TSPAN9: variants seen among roughly 807,000 people sequenced by gnomAD.
TSPAN9 encodes tetraspanin-9.
A neutral mutation model predicts 31.0 loss-of-function variants in TSPAN9; 16 were observed. The observed-to-expected ratio is 0.52, with a 90% CI of 0.35 to 0.78. The LOEUF (loss-of-function observed/expected upper bound fraction) is 0.78, where lower values mean the gene tolerates loss of function less well. Among genes scored for constraint, TSPAN9 ranks in the 30% least tolerant of loss-of-function variants. The pLI is 0.01. For synonymous variants in TSPAN9, 145 were observed against 121.6 expected (o/e 1.19, Z -1.27); for missense variants, 272 against 312.5 (o/e 0.87, Z 0.98).
At chr12:3,227,802 C>A (rs936049939) in intron 3 of TSPAN9, among the ~76,000 whole-genome samples, 2 of 152,116 alleles carry the variant, frequency 1.3e-5, no homozygotes, top group Admixed American at 6.5e-5. Flanking sequence ...AGGAGGAAGC[C>A]GGTTGGCAGG....
chr12:3,230,080 C>T (rs1421248973), intron 3 of TSPAN9, among the ~76,000 whole-genome samples: 4 of 152,154 alleles, frequency 2.6e-5, no homozygotes, highest in Non-Finnish European at 5.9e-5. Context: ...CATCATCTGT[C>T]TGGGACTTCT....
chr12:3,183,698 A>T (rs1264468443), intron 2 of TSPAN9, among the ~76,000 whole-genome samples: 2 of 152,136 alleles, frequency 1.3e-5, no homozygotes, highest in Non-Finnish European at 2.9e-5. Context: ...ATACCCAAGG[A>T]TTCTGGAGCA....
intron 2 of TSPAN9, among the ~76,000 whole-genome samples, chr12:3,198,758 AC>A (rs1418023686): frequency 1.5e-5 from 1 of 65,104 alleles, no homozygotes; most frequent in African/African-American, 5.3e-5. Flanking sequence ...AGCACAGCTC[AC>A]CACCAGCACA....
At position 3,140,375 on chromosome 12, in the gene TSPAN9, T is replaced by A. The variant is rs374077661; in HGVS notation, c.-18+56656T>A. 2.6e-5 allele frequency among the ~76,000 whole-genome samples: 4 copies of A among 152,228 alleles called. No individual in the cohort carries two copies. In the East Asian group the frequency reaches 7.7e-4, roughly 29 times the overall value. On this transcript the variant is annotated intron_variant, in intron 2 of 8. Transcript: ENST00000011898. The stretch of plus-strand genomic sequence containing the variant: ...AAGATACGGGCCAGTTTGGGTGTTG[T>A]TGAAATCTGGAGGAGAGTCATGTGT...
intron 2 of TSPAN9, among the ~76,000 whole-genome samples, chr12:3,185,155 T>TA (rs1485757777): frequency 6.6e-6 from 1 of 152,156 alleles, no homozygotes. Context: ...CAGCAAGTAT[T>TA]TATTGAGTGT....
At chr12:3,138,112 C>A (rs2098332943) in intron 2 of TSPAN9, among the ~76,000 whole-genome samples, 1 of 152,194 alleles carries the variant, frequency 6.6e-6, no homozygotes, top group Non-Finnish European at 1.5e-5. Context: ...GGTGAGGGGG[C>A]AGTGCCCAGC....
rs560687812 is a variant in TSPAN9 at position 3,109,307 on chromosome 12, A to AGAGAGAGT, written c.-18+25589_-18+25590insAGAGAGTG. Among the ~76,000 whole-genome samples, 427 of 143,300 alleles carry AGAGAGAGT rather than the reference A, an allele frequency of 3.0e-3. 5 individuals are homozygous for AGAGAGAGT. Among genetic ancestry groups the AGAGAGAGT allele is most frequent in the African/African-American group, 0.011 (405 of 36,128 alleles). 94.0% of individuals were successfully genotyped at this position (143,300 alleles called of 152,430 possible). A position where few individuals can be genotyped will look rare whatever the true frequency, so the allele number is the denominator to read the frequency against. ...GTGTGTGTGTGTGTGTGTGAGAGAG[A>AGAGAGAGT]GTGTGTGTGTGTGTGTGTGTTTGTG... On this transcript the variant is annotated intron_variant, in intron 2 of 8. Transcript: ENST00000011898.
chr12:3,168,630 A>G lies in TSPAN9; in HGVS notation c.-17-32547A>G, dbSNP rs948397469. Among the ~76,000 whole-genome samples the G allele has an allele frequency of 1.3e-5, 2 of 152,172 alleles. No individual in the cohort carries two copies. The highest frequency in any genetic ancestry group is 2.9e-5 in the Non-Finnish European group (2 of 68,022). ...ACTTGCTTGTGAAGTGCTGCATCCA[A>G]TCTCTTTACGAATGGATGTCTCAAG... On this transcript the variant is annotated intron_variant, in intron 2 of 8. Coordinates refer to ENST00000011898, the MANE Select transcript of TSPAN9 (RefSeq NM_006675.5). The surrounding 1 kb of genome is among the most constrained non-coding windows in gnomAD (Gnocchi z 4.0).
At chr12:3,264,618 C>T (rs1458400354) in intron 3 of TSPAN9, among the ~76,000 whole-genome samples, 9 of 152,186 alleles carry the variant, frequency 5.9e-5, no homozygotes, top group African/African-American at 1.9e-4. Flanking sequence ...CGGGGCAGTG[C>T]GGGCAGTGGC....
chr12:3,179,412 C>A (rs879412283), intron 2 of TSPAN9, among the ~76,000 whole-genome samples: 1 of 152,162 alleles, frequency 6.6e-6, no homozygotes, highest in African/African-American at 2.4e-5. Context: ...TAAGCCCATT[C>A]CTCTCATTCT....
intron 2 of TSPAN9, among the ~76,000 whole-genome samples, chr12:3,108,573 C>A (rs116584420): frequency 1.3e-5 from 2 of 152,154 alleles, no homozygotes; most frequent in Admixed American, 6.5e-5. Context: ...TGGATCCTTT[C>A]GATCTTGAAA....
At chr12:3,109,328 TTGTG>T (rs1341732067) in intron 2 of TSPAN9, among the ~76,000 whole-genome samples, 1 of 95,248 alleles carries the variant, frequency 1.0e-5, no homozygotes, top group Non-Finnish European at 2.1e-5. Context: ...GTGTGTGTGT[TTGTG>T]TGTGTATTTT....
intron 3 of TSPAN9, among the ~76,000 whole-genome samples, chr12:3,264,695 G>T (rs114413118): frequency 0.011 from 1,692 of 152,344 alleles, 29 homozygotes; most frequent in African/African-American, 0.039. Flanking sequence ...CCTAGGGAAG[G>T]ATGGCTGCAG....
At chr12:3,206,667 G>A (rs1039635991) in intron 3 of TSPAN9, among the ~76,000 whole-genome samples, 2 of 152,004 alleles carry the variant, frequency 1.3e-5, no homozygotes, top group African/African-American at 2.4e-5. Flanking sequence ...CACTGAAAAG[G>A]CTGGCAGATG....
At chr12:3,181,445 C>T (rs1468060999) in intron 2 of TSPAN9, among the ~76,000 whole-genome samples, 2 of 152,164 alleles carry the variant, frequency 1.3e-5, no homozygotes, top group South Asian at 2.1e-4. Context: ...ACCACCTCAT[C>T]CGCATCTCTC....
At chr12:3,169,469 C>T (rs910780775) in intron 2 of TSPAN9, among the ~76,000 whole-genome samples, 1 of 152,204 alleles carries the variant, frequency 6.6e-6, no homozygotes, top group African/African-American at 2.4e-5. Context: ...AGCTTCTCCA[C>T]CTGTCAAATG....
chr12:3,260,497 C>G (rs1204875373), intron 3 of TSPAN9, among the ~76,000 whole-genome samples: 1 of 152,202 alleles, frequency 6.6e-6, no homozygotes, highest in Non-Finnish European at 1.5e-5. Context: ...CAGGGCGAAC[C>G]CTCATAGTCC....
chr12:3,137,662 T>TG (rs1269240092), intron 2 of TSPAN9, among the ~76,000 whole-genome samples: 4 of 152,142 alleles, frequency 2.6e-5, no homozygotes, highest in Non-Finnish European at 5.9e-5. Context: ...CTGCTCCAGC[T>TG]GCGTCCTCCC....
intron 2 of TSPAN9, among the ~76,000 whole-genome samples, chr12:3,190,867 C>T (rs939964260): frequency 5.3e-5 from 8 of 152,212 alleles, no homozygotes; most frequent in African/African-American, 1.4e-4. Flanking sequence ...CTTTAGAGCA[C>T]CAGTGTGCTA....
Sources: gnomAD v4.1 joint callset for allele counts (sites outside exome capture counted in the v4.1 genomes callset) on GRCh38, gnomAD v4.1.1 for gene constraint, Gnocchi (gnomAD v3.1) non-coding constraint, MANE v1.5 for transcripts, NCBI Gene and HGNC (gene_info 2026-07-23, HGNC 2026-07-21) for gene names.